The following PSMD3 variants were observed in gnomAD, a reference collection of about 807,000 sequenced individuals.
The protein encoded by PSMD3 is 26S proteasome non-ATPase regulatory subunit 3.
Under a neutral mutation model 62.8 loss-of-function variants are expected in PSMD3, and 5 were observed. The ratio of observed to expected loss-of-function variants is 0.08; its 90% CI spans 0.04 to 0.17. The LOEUF (loss-of-function observed/expected upper bound fraction) is 0.17. PSMD3 is among the 10% of genes least tolerant of loss of function. PSMD3 has a pLI of 1.00. For missense variants in PSMD3, 524 were observed against 713.6 expected, an observed-to-expected ratio of 0.73 and a Z score of 3.03; for synonymous variants, 265 against 283.9, an observed-to-expected ratio of 0.93 and a Z score of 0.67.
In PSMD3 at chr17:39,996,224, G is replaced by A. The variant is rs1291114772; in HGVS notation, c.1362G>A (p.Glu454=). 1.2e-6 allele frequency: 2 copies of A among 1,614,052 alleles called. No homozygotes were observed. The highest frequency in any genetic ancestry group is 2.2e-5 in the South Asian group (2 of 91,070). Residue 454 remains glutamate, a synonymous_variant, in exon 10 of 12, where the codon GAG becomes GAA. Coordinates refer to ENST00000264639, the MANE Select transcript of PSMD3 (RefSeq NM_002809.4). The surrounding 1 kb of genome is among the most constrained non-coding windows in gnomAD (Gnocchi z 5.1). ...TCATTGAGGCCAGCATCAACCACGA[G>A]AAGGGCTATGTCCAATCCAAGGAGA... ...DGVIEASINH[E]KGYVQSKEMI...
intron 6 of PSMD3, among the ~76,000 whole-genome samples, chr17:39,990,785 C>T (rs1407631812): frequency 6.6e-6 from 1 of 152,156 alleles, no homozygotes; most frequent in African/African-American, 2.4e-5. Context: ...TCTAGTCCTT[C>T]ATGTTCACAT....
intron 1 of PSMD3, 104 bp from the exon 2 acceptor site, chr17:39,984,190 A>G: frequency 1.0e-6 from 1 of 985,084 alleles, no homozygotes; most frequent in Non-Finnish European, 1.4e-6. Flanking sequence ...ACAGAGTGAG[A>G]CTCCGTCTCA....
In PSMD3 at chr17:39,996,265, C is replaced by G. The variant is rs1390501527; in HGVS notation, c.1403C>G (p.Ser468Cys). Residue 468 changes from serine to cysteine, a missense_variant, in exon 10 of 12, where the codon TCC becomes TGC. Physicochemically the swap from Ser to Cys is moderately radical, Grantham distance 112. This residue lies in a region of PSMD3 where 76 missense variants were observed against 97.3 expected (regional missense o/e 0.78). Transcript: ENST00000264639. This position sits in a 1 kb window ranked among gnomAD's most constrained non-coding sequence, Gnocchi z 5.1. Reference sequence around the variant, plus strand: ...TCCAAGGAGATGATTGACATCTATTCCACCCGAGAGCCCCAGCTAGCCTTC... The same window carrying G: ...TCCAAGGAGATGATTGACATCTATTGCACCCGAGAGCCCCAGCTAGCCTTC... ...VQSKEMIDIY[S>C]TREPQLAFHQ... 1.2e-6 allele frequency: 2 copies of G among 1,614,120 alleles called. No individual in the cohort carries two copies. The highest frequency in any genetic ancestry group is 1.7e-6 in the Non-Finnish European group (2 of 1,180,018).
At chr17:39,984,553 C>A in intron 2 of PSMD3, 69 bp downstream of exon 2, 2 of 1,418,812 alleles carry the variant, frequency 1.4e-6, no homozygotes, top group South Asian at 1.3e-5. Context: ...CATTGTTTTC[C>A]ATCCTAAAGT....
intron 3 of PSMD3, 129 bp from the exon 4 acceptor site, chr17:39,988,554 T>G (rs1271610331): frequency 9.1e-7 from 1 of 1,098,620 alleles, no homozygotes; most frequent in African/African-American, 1.6e-5. Context: ...GTACATGCTT[T>G]TATGTGAGCC....
chr17:39,997,257 A>G, intron 10 of PSMD3, 73 bp from the exon 11 acceptor site: 4 of 1,444,834 alleles, frequency 2.8e-6, no homozygotes, highest in East Asian at 2.3e-5. Context: ...GAGGGGACGC[A>G]GGGAGTGCAG....
Position 39,988,783 on chromosome 17 carries a change from T to C in PSMD3, c.650T>C (p.Val217Ala). The stretch of plus-strand genomic sequence containing the variant: ...AAGTGTTACTATTATCACGCCCGGG[T>C]CTATGAGTTCCTGGACAAGCTGGAT... The part of the protein sequence containing the change: ...AAKCYYYHAR[V>A]YEFLDKLDVV... Residue 217 changes from valine to alanine, a missense_variant, in exon 4 of 12, where the codon GTC becomes GCC. By Grantham distance (64) the Val-to-Ala change is moderately conservative (BLOSUM62 0). Transcript: ENST00000264639. 6.2e-7 allele frequency: 1 copy of C among 1,613,922 alleles called. No homozygotes were observed. The highest frequency in any genetic ancestry group is 8.5e-7 in the Non-Finnish European group (1 of 1,180,004).
chr17:39,985,490 C>T (rs1345704572), intron 2 of PSMD3, among the ~76,000 whole-genome samples: 1 of 152,210 alleles, frequency 6.6e-6, no homozygotes, highest in Non-Finnish European at 1.5e-5. Context: ...CTCTCCTTAT[C>T]CTCTGTAGCT....
At chr17:39,983,812 TA>T (rs1354816259) in intron 1 of PSMD3, among the ~76,000 whole-genome samples, 1 of 152,192 alleles carries the variant, frequency 6.6e-6, no homozygotes, top group Non-Finnish European at 1.5e-5. Flanking sequence ...GGTTATGTCT[TA>T]AAATCAGTGT....
Position 39,996,406 on chromosome 17 carries a change from C to T in PSMD3, c.1476+68C>T, listed in dbSNP as rs955849599. The stretch of plus-strand genomic sequence containing the variant: ...ACCCCTCCCTCCACACTCATGGATT[C>T]CTCAGAGAAGACTGGCTTAATTTGT... On this transcript the variant is annotated intron_variant, in intron 10 of 11. Coordinates refer to ENST00000264639, the MANE Select transcript of PSMD3 (RefSeq NM_002809.4). The surrounding 1 kb of genome is among the most constrained non-coding windows in gnomAD (Gnocchi z 5.1). The T allele has an allele frequency of 1.3e-6, 2 of 1,552,730 alleles. No individual in the cohort carries two copies. Among genetic ancestry groups the T allele is most frequent in the Non-Finnish European group, 1.8e-6 (2 of 1,141,148 alleles).
intron 6 of PSMD3, among the ~76,000 whole-genome samples, chr17:39,991,209 CAG>C (rs1208168511): frequency 6.6e-6 from 1 of 152,090 alleles, no homozygotes; most frequent in Non-Finnish European, 1.5e-5. Context: ...AGGCTGGAGA[CAG>C]AGGTGCCATC....
chr17:39,981,627 C>G (rs886234697), intron 1 of PSMD3, among the ~76,000 whole-genome samples: 2 of 152,176 alleles, frequency 1.3e-5, no homozygotes, highest in African/African-American at 4.8e-5. Context: ...TAAAACTGTA[C>G]AGCAGATTTT....
At position 39,980,860 on chromosome 17, in the gene PSMD3, G is replaced by T. The variant is rs1980360628; in HGVS notation, c.-111G>T. 1.0e-6 allele frequency: 1 copy of T among 1,000,098 alleles called. No individual in the cohort carries two copies. The highest frequency in any genetic ancestry group is 1.7e-5 in the African/African-American group (1 of 58,064). 62.0% of individuals were successfully genotyped at this position (1,000,098 alleles called of 1,614,324 possible). A position where few individuals can be genotyped will look rare whatever the true frequency, so the allele number is the denominator to read the frequency against. On this transcript the variant is annotated 5_prime_UTR_variant, in exon 1 of 12. Transcript: ENST00000264639. ...CAGCTGCTCCGTCATCGTGCGGCCC[G>T]ACGCTATCTCGCGCTCGTGTGCAGG... is the stretch of plus-strand genomic sequence containing the variant.
At chr17:39,990,305 C>A in intron 6 of PSMD3, 108 bp downstream of exon 6, 1 of 963,776 alleles carries the variant, frequency 1.0e-6, no homozygotes, top group Non-Finnish European at 1.5e-6. Context: ...TCAAGAAGTC[C>A]TCCCACCTCA....
intron 1 of PSMD3, 69 bp downstream of exon 1, chr17:39,981,259 G>T (rs1259383473): frequency 6.5e-7 from 1 of 1,541,468 alleles, no homozygotes; most frequent in Admixed American, 2.0e-5. Flanking sequence ...TTGGCTTCTT[G>T]CTGGGAAGCC....
intron 3 of PSMD3, among the ~76,000 whole-genome samples, chr17:39,987,729 C>T (rs1280353978): frequency 1.3e-5 from 2 of 152,052 alleles, no homozygotes; most frequent in African/African-American, 4.8e-5. Flanking sequence ...GTAGTCCTCC[C>T]GCCTCAGCCT....
chr17:39,984,869 G>A (rs1423394000), intron 2 of PSMD3, among the ~76,000 whole-genome samples: 1 of 152,058 alleles, frequency 6.6e-6, no homozygotes, highest in Non-Finnish European at 1.5e-5. Flanking sequence ...ACAGCTGTCA[G>A]GGCCAGGCAC....
At position 39,996,189 on chromosome 17, in the gene PSMD3, C is replaced by T. The variant is rs1980780177; in HGVS notation, c.1327C>T (p.Arg443Trp). 3 of 1,613,800 alleles carry T rather than the reference C, an allele frequency of 1.9e-6. No individual in the cohort carries two copies. The highest frequency in any genetic ancestry group is 1.1e-5 in the South Asian group (1 of 91,044). The change falls in exon 10 of 12, where the codon CGG becomes TGG. Residue 443 changes from arginine to tryptophan, a missense_variant. This residue lies in a region of PSMD3 where 76 missense variants were observed against 97.3 expected (regional missense o/e 0.78). Coordinates refer to ENST00000264639, the MANE Select transcript of PSMD3 (RefSeq NM_002809.4). The surrounding 1 kb of genome is among the most constrained non-coding windows in gnomAD (Gnocchi z 5.1). ...CCTCTTTGGGGGCCTGCAGGCCATC[C>T]GGGATGGTGTCATTGAGGCCAGCAT... Reference protein sequence around the residue: ...DAEFIVAKAIRDGVIEASINH... With the variant: ...DAEFIVAKAIWDGVIEASINH...
intron 1 of PSMD3, 56 bp downstream of exon 1, chr17:39,981,246 G>C: frequency 6.5e-7 from 1 of 1,545,248 alleles, no homozygotes; most frequent in Non-Finnish European, 8.7e-7. Flanking sequence ...CGACCCCTGT[G>C]ATTTGGCTTC....
Sources: allele counts gnomAD v4.1 joint callset (sites outside exome capture counted in the v4.1 genomes callset), GRCh38; gene constraint gnomAD v4.1.1; regional missense constraint gnomAD v4.1.1; non-coding constraint Gnocchi (gnomAD v3.1); transcripts MANE v1.5; gene names NCBI Gene and HGNC (gene_info 2026-07-23, HGNC 2026-07-21).